Variants in NREP observed in about 807,000 individuals in gnomAD.
NREP encodes the protein neuronal regeneration related protein, also known as neuronal regeneration-related protein.
In NREP, 5 loss-of-function variants were observed where a neutral mutation model predicts 8.6. That is an observed-to-expected ratio of 0.58 (90% CI 0.30 to 1.22). The LOEUF (loss-of-function observed/expected upper bound fraction) is 1.22. Among genes scored for constraint, NREP ranks in the 50% most tolerant of loss-of-function variants. The pLI is 0.07. For missense variants in NREP, 86 were observed against 82.5 expected (o/e 1.04, Z -0.17); for synonymous variants, 27 against 28.0 (o/e 0.96, Z 0.11).
chr5:111,815,534 A>C (rs968190444), intron 2 of NREP, among the ~76,000 whole-genome samples: 1 of 152,120 alleles, frequency 6.6e-6, no homozygotes, highest in African/African-American at 2.4e-5. Flanking sequence ...AAAATGGATA[A>C]AAAGATAGAA....
At chr5:111,934,961 C>G (rs1755641964) in intron 2 of NREP, among the ~76,000 whole-genome samples, 2 of 150,818 alleles carry the variant, frequency 1.3e-5, no homozygotes, top group African/African-American at 4.9e-5. Context: ...ATTCTGGATC[C>G]AGATCCGAAA....
intron 2 of NREP, among the ~76,000 whole-genome samples, chr5:111,850,696 CCTT>C (rs1220894475): frequency 6.6e-6 from 1 of 152,082 alleles, no homozygotes; most frequent in Admixed American, 6.6e-5. Context: ...AGCTGAGTCT[CCTT>C]CTTCCATTCT....
intron 2 of NREP, among the ~76,000 whole-genome samples, chr5:111,928,794 G>A (rs1221640479): frequency 6.6e-6 from 1 of 152,112 alleles, no homozygotes; most frequent in East Asian, 1.9e-4. Flanking sequence ...AGACACATTT[G>A]TATGTTGCCA....
intron 2 of NREP, among the ~76,000 whole-genome samples, chr5:111,967,685 G>A (rs1404052612): frequency 2.6e-5 from 4 of 151,696 alleles, no homozygotes; most frequent in African/African-American, 9.7e-5. Context: ...CGCCCCATCT[G>A]GGATGTGAGG....
At chr5:111,823,192 A>G (rs564190330) in intron 2 of NREP, among the ~76,000 whole-genome samples, 1 of 152,306 alleles carries the variant, frequency 6.6e-6, no homozygotes, top group African/African-American at 2.4e-5. Flanking sequence ...CACAAGAACT[A>G]ATAGAGTGAG....
At chr5:111,872,815 T>G (rs1450855855) in intron 2 of NREP, among the ~76,000 whole-genome samples, 5 of 152,220 alleles carry the variant, frequency 3.3e-5, no homozygotes, top group Non-Finnish European at 1.5e-5. Context: ...CAGCAAGTTT[T>G]GAGAGGAAGT....
chr5:111,755,863 C>T, intron 1 of NREP, 33 bp from the exon 2 acceptor site: 2 of 1,609,922 alleles, frequency 1.2e-6, no homozygotes, highest in Non-Finnish European at 8.5e-7. Flanking sequence ...GTAGACACAT[C>T]GCCTCACCAC....
intron 2 of NREP, among the ~76,000 whole-genome samples, chr5:111,962,906 C>G (rs1006910367): frequency 6.6e-6 from 1 of 152,222 alleles, no homozygotes; most frequent in Non-Finnish European, 1.5e-5. Flanking sequence ...ACAGCCACTT[C>G]CATCACTAAA....
At chr5:111,732,678 A>G (rs1748704344) in intron 3 of NREP, 1 of 151,288 alleles carries the variant, frequency 6.6e-6, no homozygotes, top group African/African-American at 2.4e-5. Context: ...AAAAAAAAAA[A>G]AGGAAATCCA....
At chr5:111,895,974 T>C (rs573724762) in intron 2 of NREP, among the ~76,000 whole-genome samples, 5 of 152,276 alleles carry the variant, frequency 3.3e-5, no homozygotes, top group African/African-American at 1.2e-4. Flanking sequence ...TGAATGAACA[T>C]CAACCCTGCT....
chr5:111,778,314 C>T (rs1384330044), intron 2 of NREP, among the ~76,000 whole-genome samples: 9 of 152,096 alleles, frequency 5.9e-5, no homozygotes, highest in African/African-American at 2.2e-4. Flanking sequence ...GTGCCAAGTG[C>T]TTTATATGCA....
intron 2 of NREP, among the ~76,000 whole-genome samples, chr5:111,924,935 A>G (rs1416610138): frequency 6.6e-6 from 1 of 152,122 alleles, no homozygotes; most frequent in Non-Finnish European, 1.5e-5. Context: ...CCACGTAATA[A>G]GGGAGTGGGA....
intron 2 of NREP, among the ~76,000 whole-genome samples, chr5:111,807,357 GATGTT>G (rs1752166039): frequency 6.6e-6 from 1 of 151,992 alleles, no homozygotes; most frequent in Admixed American, 6.6e-5. Context: ...CTTTCTTTCA[GATGTT>G]TCTTAAGAAT....
intron 2 of NREP, among the ~76,000 whole-genome samples, chr5:111,749,670 C>T (rs1030573088): frequency 4.6e-5 from 7 of 152,144 alleles, no homozygotes; most frequent in Non-Finnish European, 1.0e-4. Flanking sequence ...CTGATTAGCA[C>T]ATGCCAGCAC....
intron 2 of NREP, among the ~76,000 whole-genome samples, chr5:111,890,740 A>G (rs573464918): frequency 6.6e-6 from 1 of 152,308 alleles, no homozygotes; most frequent in East Asian, 1.9e-4. Context: ...CCAAGGCTGG[A>G]GACGGACTGG....
intron 2 of NREP, among the ~76,000 whole-genome samples, chr5:111,792,868 G>T (rs1751783338): frequency 6.6e-6 from 1 of 152,086 alleles, no homozygotes; most frequent in African/African-American, 2.4e-5. Flanking sequence ...GGTTAAATTG[G>T]CACATATTAA....
chr5:111,785,765 T>C (rs1480972554), intron 2 of NREP, among the ~76,000 whole-genome samples: 5 of 152,218 alleles, frequency 3.3e-5, no homozygotes, highest in Non-Finnish European at 7.4e-5. Context: ...ATATCAATTA[T>C]CCATAGCAGT....
chr5:111,893,160 G>A (rs1389981622), intron 2 of NREP, among the ~76,000 whole-genome samples: 5 of 152,050 alleles, frequency 3.3e-5, no homozygotes, highest in African/African-American at 1.2e-4. Flanking sequence ...ACAAAACAAA[G>A]GATAAAAATC....
chr5:111,911,795 T>C (rs183560285), intron 2 of NREP, among the ~76,000 whole-genome samples: 17 of 152,236 alleles, frequency 1.1e-4, no homozygotes, highest in African/African-American at 3.1e-4. Context: ...GACCTCTGCA[T>C]AGACATAGAA....
Sources: gnomAD v4.1 joint callset for allele counts (sites outside exome capture counted in the v4.1 genomes callset) on GRCh38, gnomAD v4.1.1 for gene constraint, MANE v1.5 for transcripts, NCBI Gene and HGNC (gene_info 2026-07-23, HGNC 2026-07-21) for gene names.